The following DPH7 variants were observed in gnomAD, a reference collection of about 807,000 sequenced individuals.
DPH7 encodes the protein diphthamide biosynthesis 7.
DPH7 carries 44 observed loss-of-function variants against 41.7 expected under a neutral mutation model. The observed-to-expected ratio is 1.05, with a 90% CI of 0.83 to 1.36. The LOEUF (loss-of-function observed/expected upper bound fraction) is 1.36, where lower values mean the gene tolerates loss of function less well. DPH7 is among the 40% of genes most tolerant of loss of function. The pLI, the probability that DPH7 is intolerant of heterozygous loss-of-function variation, is 0.00. For synonymous variants in DPH7, 275 were observed against 238.0 expected (o/e 1.16, Z -1.43); for missense variants, 629 against 577.5 (o/e 1.09, Z -0.91).
At chr9:137,578,066 C>T in intron 1 of DPH7, 1 of 889,712 alleles carries the variant, frequency 1.1e-6, no homozygotes, top group Non-Finnish European at 1.3e-6. Context: ...GCCTGTGGTG[C>T]CAGCTACTCA....
chr9:137,554,894 T>C lies in DPH7; in HGVS notation c.*345A>G. ...TAAAATGTTCATTTTAAACATGTTA[T>C]AAACTCGTGTTTTTCAAAAAACTTC... On this transcript the variant is annotated 3_prime_UTR_variant, in exon 9 of 9. Transcript: ENST00000277540. 4.5e-6 allele frequency: 1 copy of C among 223,630 alleles called. No homozygotes were observed. The highest frequency in any genetic ancestry group is 8.7e-6 in the Non-Finnish European group (1 of 115,418). 13.9% of individuals were successfully genotyped at this position (223,630 alleles called of 1,614,324 possible).
At chr9:137,572,348 C>T (rs918072550) in intron 5 of DPH7, among the ~76,000 whole-genome samples, 3 of 152,224 alleles carry the variant, frequency 2.0e-5, no homozygotes, top group African/African-American at 7.2e-5. Flanking sequence ...CCAGATTCCA[C>T]AGGCCTTGGG....
chr9:137,559,074 G>A (rs1002334219), intron 8 of DPH7, among the ~76,000 whole-genome samples: 1 of 152,182 alleles, frequency 6.6e-6, no homozygotes, highest in African/African-American at 2.4e-5. Flanking sequence ...AGTTATACCA[G>A]ATATAGATCT....
In DPH7 at chr9:137,575,526, C is replaced by T. The variant is rs1039126126; in HGVS notation, c.375+554G>A. 9 of 991,628 alleles carry T rather than the reference C, an allele frequency of 9.1e-6. No homozygotes were observed. The South Asian group carries it at 2.7e-4, about 30-fold the overall frequency. The allele number at this position is 991,628 out of a possible 1,614,324, so 61.4% of individuals were successfully genotyped here. A position where few individuals can be genotyped will look rare whatever the true frequency, so the allele number is the denominator to read the frequency against. ...CAAGGCCTTTTCCTACACAGGCCCT[C>T]GGTTGGCCCAGCCCCGCCTGCAGCA... On this transcript the variant is annotated intron_variant, in intron 3 of 8. Transcript: ENST00000277540.
At position 137,576,112 on chromosome 9, in the gene DPH7, A is replaced by G. The variant is rs3763611; in HGVS notation, c.343T>C (p.Ser115Pro). ...TCCACCAGGCGGAGCAGTTGTATGG[A>G]TCCACTGGCATCTGCCAAGCCCAAG... ...ALLGLADASG[S>P]IQLLRLVESE... Residue 115 changes from serine (S) to proline (P), a missense_variant, in exon 3 of 9, where the codon TCC becomes CCC. Transcript: ENST00000277540. 99 of 1,613,860 alleles carry G rather than the reference A, an allele frequency of 6.1e-5. No homozygotes were observed. In the East Asian group the frequency reaches 2.2e-3, roughly 36 times the overall value.
chr9:137,557,922 G>A (rs1306349543), intron 8 of DPH7, among the ~76,000 whole-genome samples: 1 of 152,156 alleles, frequency 6.6e-6, no homozygotes, highest in Non-Finnish European at 1.5e-5. Context: ...ATCACCTGAG[G>A]TCAGGAGTTC....
At chr9:137,559,204 G>A (rs1266978030) in intron 8 of DPH7, among the ~76,000 whole-genome samples, 1 of 152,170 alleles carries the variant, frequency 6.6e-6, no homozygotes, top group Non-Finnish European at 1.5e-5. Context: ...GCCATACAGA[G>A]ATAGGAGCTG....
chr9:137,578,713 C>A lies in DPH7; in HGVS notation c.65G>T (p.Cys22Phe). 1 of 1,530,688 alleles carries A rather than the reference C, an allele frequency of 6.5e-7. No homozygotes were observed. Among genetic ancestry groups the A allele is most frequent in the Non-Finnish European group, 8.8e-7 (1 of 1,140,082 alleles). 94.8% of individuals were successfully genotyped at this position (1,530,688 alleles called of 1,614,324 possible). A position where few individuals can be genotyped will look rare whatever the true frequency, so the allele number is the denominator to read the frequency against. ...CAGGTGCCTGCAGCCTTGCAGCGGG[C>A]ACCACTCCACCGAGTCCGCGGTCAG... ...TELTADSVEW[C>F]PLQGCRHLLA... Residue 22 changes from cysteine (C) to phenylalanine (F), a missense_variant, in exon 1 of 9, where the codon TGC becomes TTC. By Grantham distance (205) the Cys-to-Phe change is radical. Transcript: ENST00000277540.
At chr9:137,578,119 G>A (rs1282860762) in intron 1 of DPH7, 1 of 292,768 alleles carries the variant, frequency 3.4e-6, no homozygotes, top group African/African-American at 2.3e-5. Flanking sequence ...GGAGTCCGAG[G>A]CTGCACTCCA....
At chr9:137,575,802 G>C in intron 3 of DPH7, 1 of 1,244,820 alleles carries the variant, frequency 8.0e-7, no homozygotes, top group Non-Finnish European at 1.0e-6. Flanking sequence ...TGCTTGCCCA[G>C]GCTCTCCTTA....
chr9:137,575,031 G>A, intron 3 of DPH7, 188 bp from the exon 4 acceptor site: 2 of 1,399,256 alleles, frequency 1.4e-6, no homozygotes, highest in Non-Finnish European at 1.9e-6. Context: ...AAGACCTGGG[G>A]ACACTGGAGC....
rs147199768 is a variant in DPH7 at position 137,574,806 on chromosome 9, A to C, written c.413T>G (p.Leu138Arg). The change falls in exon 4 of 9, where the codon CTG becomes CGG. Residue 138 changes from leucine (L) to arginine (R), a missense_variant. Transcript: ENST00000277540. ...GGACAAAGCCAGACACTGCTCCTCC[A>C]GGGCAAGGCTGGACAATGGCTCCAG... ...HVLEPLSSLA[L>R]EEQCLALSLD... is the part of the protein sequence containing the mutation. 2.5e-6 allele frequency: 4 copies of C among 1,614,012 alleles called. No homozygotes were observed. The highest frequency in any genetic ancestry group is 3.4e-6 in the Non-Finnish European group (4 of 1,180,026).
chr9:137,578,008 G>T, intron 1 of DPH7: 5 of 985,332 alleles, frequency 5.1e-6, no homozygotes, highest in Non-Finnish European at 6.0e-6. Context: ...GTATATAGAA[G>T]ACGTTCTGCT....
intron 8 of DPH7, among the ~76,000 whole-genome samples, chr9:137,562,909 G>A (rs1336364636): frequency 1.3e-5 from 2 of 152,096 alleles, no homozygotes; most frequent in Admixed American, 6.5e-5. Flanking sequence ...AGAGGTTGCA[G>A]TGAGACGAGA....
At chr9:137,574,653 A>G in intron 4 of DPH7, 99 bp downstream of exon 4, 5 of 1,165,392 alleles carry the variant, frequency 4.3e-6, no homozygotes, top group Middle Eastern at 2.9e-4. Context: ...TGAGGAGCAC[A>G]GTCGCAGCTC....
intron 5 of DPH7, among the ~76,000 whole-genome samples, chr9:137,571,514 G>C (rs771388034): frequency 9.8e-5 from 15 of 152,286 alleles, no homozygotes; most frequent in Non-Finnish European, 1.6e-4. Context: ...AGAAGGCTGA[G>C]TGCAGTGGCT....
At chr9:137,558,520 G>T (rs1020606075) in intron 8 of DPH7, among the ~76,000 whole-genome samples, 2 of 152,182 alleles carry the variant, frequency 1.3e-5, no homozygotes, top group Non-Finnish European at 2.9e-5. Context: ...TCTGACACAT[G>T]CTCCAACAGG....
chr9:137,577,460 A>C lies in DPH7; in HGVS notation c.287+10T>G. On this transcript the variant is annotated intron_variant, in intron 2 of 8. Transcript: ENST00000277540. Reference sequence around the variant, plus strand: ...AAATTCTACACCCAGTGGGATTATCACAGTTATACCATTTCATGTCCAGGA... The same window carrying C: ...AAATTCTACACCCAGTGGGATTATCCCAGTTATACCATTTCATGTCCAGGA... 1.9e-6 allele frequency: 3 copies of C among 1,612,398 alleles called. No homozygotes were observed. The highest frequency in any genetic ancestry group is 2.5e-6 in the Non-Finnish European group (3 of 1,179,108).
chr9:137,565,002 C>T (rs943035098), intron 6 of DPH7, 44 bp from the exon 7 acceptor site: 2 of 1,604,958 alleles, frequency 1.2e-6, no homozygotes, highest in Non-Finnish European at 1.7e-6. Flanking sequence ...AGCACACAGA[C>T]CCACCCAGGG....
Sources: gnomAD v4.1 joint callset for allele counts (sites outside exome capture counted in the v4.1 genomes callset) on GRCh38, gnomAD v4.1.1 for gene constraint, MANE v1.5 for transcripts, NCBI Gene and HGNC (gene_info 2026-07-23, HGNC 2026-07-21) for gene names.